Variants in ZNF638 observed in about 807,000 individuals in gnomAD.
The protein encoded by ZNF638 is zinc finger protein 638.
Under a neutral mutation model 195.6 loss-of-function variants are expected in ZNF638, and 46 were observed. That is an observed-to-expected ratio of 0.24 (90% CI 0.19 to 0.30). ZNF638 has a LOEUF of 0.30. Among genes scored for constraint, ZNF638 ranks in the 10% least tolerant of loss-of-function variants. The probability of loss-of-function intolerance (pLI) is 1.00; values close to 1 mark genes in which losing one functional copy is unlikely to be tolerated. For synonymous variants in ZNF638, 845 were observed against 772.0 expected (o/e 1.09, Z -1.57); for missense variants, 2,440 against 2,325.3 (o/e 1.05, Z -1.01).
At chr2:71,364,628 C>T (rs2079164365) in intron 5 of ZNF638, among the ~76,000 whole-genome samples, 1 of 152,152 alleles carries the variant, frequency 6.6e-6, no homozygotes, top group African/African-American at 2.4e-5. Context: ...CACAAACACA[C>T]ACCTTCTTCT....
In ZNF638 at chr2:71,356,032, T is replaced by C. The variant is rs2079017207; in HGVS notation, c.1379+252T>C. Among the ~76,000 whole-genome samples, 6 of 152,334 alleles carry C rather than the reference T, an allele frequency of 3.9e-5. No individual in the cohort carries two copies. The South Asian group carries it at 1.2e-3, about 32-fold the overall frequency. On this transcript the variant is annotated intron_variant, in intron 3 of 27. Transcript: ENST00000264447. ...ACTTTTTATGTCATTAGTTCATTCT[T>C]TGCTGGCTTACCTTCCCCAGGATCT...
chr2:71,336,053 T>C (rs1004066943), intron 1 of ZNF638, among the ~76,000 whole-genome samples: 3 of 152,232 alleles, frequency 2.0e-5, no homozygotes, highest in African/African-American at 7.2e-5. Flanking sequence ...TCTGAATTCA[T>C]GAATTTTGAT....
At chr2:71,351,610 C>T (rs2078942310) in intron 2 of ZNF638, among the ~76,000 whole-genome samples, 1 of 152,014 alleles carries the variant, frequency 6.6e-6, no homozygotes, top group Non-Finnish European at 1.5e-5. Context: ...GAAAATACAT[C>T]TTTAAATAAA....
chr2:71,392,330 GGCTATTTGGT>G (rs1558864353), intron 10 of ZNF638, among the ~76,000 whole-genome samples: 1 of 152,114 alleles, frequency 6.6e-6, no homozygotes, highest in African/African-American at 2.4e-5. Context: ...ATGGAAAAGC[GGCTATTTGGT>G]GGAAACCACA....
chr2:71,422,476 A>G (rs956737845), intron 21 of ZNF638, among the ~76,000 whole-genome samples: 9 of 152,214 alleles, frequency 5.9e-5, no homozygotes, highest in African/African-American at 1.9e-4. Flanking sequence ...ACTGTTGGGA[A>G]TAGGACCTGA....
intron 3 of ZNF638, among the ~76,000 whole-genome samples, chr2:71,356,012 T>C (rs187994724): frequency 2.6e-4 from 39 of 152,320 alleles, no homozygotes; most frequent in African/African-American, 8.9e-4. Flanking sequence ...GGTAAACTTT[T>C]TATGTCATTA....
intron 20 of ZNF638, among the ~76,000 whole-genome samples, chr2:71,411,156 C>T (rs186938569): frequency 1.3e-5 from 2 of 151,542 alleles, no homozygotes; most frequent in African/African-American, 4.8e-5. Flanking sequence ...CCCTACCATG[C>T]CCACTAATTT....
At chr2:71,350,306 A>G in intron 2 of ZNF638, 35 bp downstream of exon 2, 1 of 1,569,910 alleles carries the variant, frequency 6.4e-7, no homozygotes, top group Non-Finnish European at 8.6e-7. Context: ...CTGTATAATG[A>G]TGCTCAGCGC....
chr2:71,401,401 C>CT (rs752798051), intron 15 of ZNF638, among the ~76,000 whole-genome samples: 1 of 151,892 alleles, frequency 6.6e-6, no homozygotes, highest in Non-Finnish European at 1.5e-5. Context: ...TTCTCAGGAG[C>CT]TTTTTTATTA....
At chr2:71,357,366 T>C (rs1253015609) in intron 3 of ZNF638, among the ~76,000 whole-genome samples, 1 of 152,210 alleles carries the variant, frequency 6.6e-6, no homozygotes, top group African/African-American at 2.4e-5. Context: ...GTTACTATCC[T>C]ATATAGATGC....
intron 3 of ZNF638, among the ~76,000 whole-genome samples, chr2:71,356,427 A>G (rs2079023934): frequency 6.6e-6 from 1 of 152,224 alleles, no homozygotes; most frequent in African/African-American, 2.4e-5. Flanking sequence ...CCTAGCCACT[A>G]GACTGAGAGT....
At chr2:71,386,334 A>G (rs553274878) in intron 10 of ZNF638, among the ~76,000 whole-genome samples, 119 of 150,588 alleles carry the variant, frequency 7.9e-4, no homozygotes, top group Middle Eastern at 3.5e-3. Context: ...TAAATTTATG[A>G]TATGTATGTG....
At chr2:71,335,733 CTA>C (rs2078654809) in intron 1 of ZNF638, among the ~76,000 whole-genome samples, 1 of 152,110 alleles carries the variant, frequency 6.6e-6, no homozygotes, top group Admixed American at 6.5e-5. Context: ...AGAATTTTCT[CTA>C]GAGTGTTTAG....
At chr2:71,368,549 C>T in intron 7 of ZNF638, 21 bp downstream of exon 7, 1 of 1,607,328 alleles carries the variant, frequency 6.2e-7, no homozygotes, top group Non-Finnish European at 8.5e-7. Flanking sequence ...TAGTCTGTGG[C>T]AAAAATTCAT....
intron 3 of ZNF638, among the ~76,000 whole-genome samples, chr2:71,356,776 G>A (rs1344273440): frequency 6.7e-6 from 1 of 148,184 alleles, no homozygotes; most frequent in African/African-American, 2.5e-5. Flanking sequence ...GCGACAGCCT[G>A]TTTCAAAAAA....
intron 6 of ZNF638, among the ~76,000 whole-genome samples, chr2:71,366,058 A>G (rs2079193476): frequency 6.6e-6 from 1 of 152,222 alleles, no homozygotes. Flanking sequence ...ACAAACAGAA[A>G]ACAAAGTTGT....
intron 6 of ZNF638, among the ~76,000 whole-genome samples, chr2:71,366,365 A>G (rs1170493703): frequency 1.2e-5 from 1 of 84,560 alleles, no homozygotes; most frequent in East Asian, 2.0e-4. Context: ...TGTCTCAAGA[A>G]AAAAAAAAAA....
chr2:71,393,387 C>G lies in ZNF638; in HGVS notation c.2378-2754C>G, dbSNP rs767464585. 9.8e-6 allele frequency: 7 copies of G among 717,876 alleles called. No homozygotes were observed. In the East Asian group the frequency reaches 1.6e-4, roughly 17 times the overall value. The allele number at this position is 717,876 out of a possible 1,614,324, so 44.5% of individuals were successfully genotyped here. ...AGATGATATGCTTGTGTTCACACCC[C>G]CCTCAGGCCCTCTTTGGATTCCAGT... is the stretch of plus-strand genomic sequence containing the variant. On this transcript the variant is annotated intron_variant, in intron 10 of 27. Transcript: ENST00000264447.
At chr2:71,365,836 C>A in intron 6 of ZNF638, 130 bp downstream of exon 6, 1 of 912,932 alleles carries the variant, frequency 1.1e-6, no homozygotes, top group Non-Finnish European at 1.6e-6. Flanking sequence ...CCTCCTGCCT[C>A]ATCTTCCCAA....
Sources: gnomAD v4.1 joint callset for allele counts (sites outside exome capture counted in the v4.1 genomes callset) on GRCh38, gnomAD v4.1.1 for gene constraint, MANE v1.5 for transcripts, NCBI Gene and HGNC (gene_info 2026-07-23, HGNC 2026-07-21) for gene names.